The following RSF1 variants were observed in gnomAD, a reference collection of about 807,000 sequenced individuals.
The protein encoded by RSF1 is remodeling and spacing factor 1, also known as HBV pX-associated protein 8.
In RSF1, 13 loss-of-function variants were observed where a neutral mutation model predicts 145.2. That is an observed-to-expected ratio of 0.09 (90% CI 0.06 to 0.14). The LOEUF (loss-of-function observed/expected upper bound fraction) is 0.14. Ranked by LOEUF, RSF1 falls within the 10% of genes least tolerant of loss-of-function variation. The probability of loss-of-function intolerance (pLI) is 1.00; values close to 1 mark genes in which losing one functional copy is unlikely to be tolerated. For synonymous variants in RSF1, 577 were observed against 592.6 expected (o/e 0.97, Z 0.38); for missense variants, 1,517 against 1,718.2 (o/e 0.88, Z 2.07).
chr11:77,860,603 T>C, the RSF1 span, among the ~76,000 whole-genome samples: 2 of 152,102 alleles, frequency 1.3e-5, no homozygotes, highest in Non-Finnish European at 2.9e-5. Context: ...AGGACAAGAG[T>C]GTCCAGGTGT....
the RSF1 span, among the ~76,000 whole-genome samples, chr11:77,864,070 G>A: frequency 1.3e-5 from 2 of 151,702 alleles, no homozygotes; most frequent in African/African-American, 4.8e-5. Flanking sequence ...GGGATTACAG[G>A]TGCCTGCTAC....
intron 10 of RSF1, 52 bp downstream of exon 10, chr11:77,685,053 A>G: frequency 1.0e-6 from 1 of 995,140 alleles, no homozygotes; most frequent in Non-Finnish European, 1.5e-6. Flanking sequence ...GTAAAATTTT[A>G]GAGCAATTAT....
chr11:77,702,001 T>C lies in RSF1; in HGVS notation c.1228A>G (p.Thr410Ala). ...ATTTCATCTTTCAAAAACTCTTTTGTTGGAGTAACTGATTTACACAAAGGT... is the reference window on the plus strand; with the variant it reads ...ATTTCATCTTTCAAAAACTCTTTTGCTGGAGTAACTGATTTACACAAAGGT... The part of the protein sequence containing the change: ...KGPLCKSVTP[T>A]KEFLKDEIKQ... The change falls in exon 6 of 16, where the codon ACA (threonine) becomes GCA (alanine). Residue 410 changes from threonine to alanine, a missense_variant. This residue lies in a region of RSF1 where 579 missense variants were observed against 553.5 expected (regional missense o/e 1.05). Transcript: ENST00000308488. 1 of 1,614,062 alleles carries C rather than the reference T, an allele frequency of 6.2e-7. No individual in the cohort carries two copies. The highest frequency in any genetic ancestry group is 8.5e-7 in the Non-Finnish European group (1 of 1,179,992).
chr11:77,673,095 C>T (rs564581745), intron 14 of RSF1, among the ~76,000 whole-genome samples: 7 of 152,308 alleles, frequency 4.6e-5, no homozygotes, highest in East Asian at 3.9e-4. Flanking sequence ...ACCACAAATC[C>T]GCCTCCTGAT....
At chr11:77,844,709 C>A in the RSF1 span, among the ~76,000 whole-genome samples, 1 of 152,040 alleles carries the variant, frequency 6.6e-6, no homozygotes. Context: ...GCTCTTAGGA[C>A]CATTTCCAGA....
the RSF1 span, among the ~76,000 whole-genome samples, chr11:77,851,754 C>T: frequency 7.9e-5 from 12 of 152,054 alleles, no homozygotes; most frequent in African/African-American, 2.9e-4. Context: ...TAAAAGCTCC[C>T]TAAGGCCTCC....
At chr11:77,784,429 T>C (rs1948434593) in intron 1 of RSF1, among the ~76,000 whole-genome samples, 1 of 152,148 alleles carries the variant, frequency 6.6e-6, no homozygotes, top group Non-Finnish European at 1.5e-5. Context: ...TATTTTACTG[T>C]CCTTGTCTGC....
intron 1 of RSF1, among the ~76,000 whole-genome samples, chr11:77,810,633 T>C (rs1301755162): frequency 6.6e-6 from 1 of 152,156 alleles, no homozygotes; most frequent in East Asian, 1.9e-4. Context: ...TAATCATGGC[T>C]CACTGTAATC....
At chr11:77,764,390 A>C in intron 2 of RSF1, 1 of 494,048 alleles carries the variant, frequency 2.0e-6, no homozygotes, top group Non-Finnish European at 3.5e-6. Flanking sequence ...GAGATATAAC[A>C]CTTCTGAAAT....
At chr11:77,694,086 G>A (rs1285372616) in intron 7 of RSF1, among the ~76,000 whole-genome samples, 1 of 151,882 alleles carries the variant, frequency 6.6e-6, no homozygotes, top group African/African-American at 2.4e-5. Context: ...CCCAGCCCAT[G>A]CTAATTTTTA....
At position 77,747,403 on chromosome 11, in the gene RSF1, G is replaced by A. The variant is rs546747734; in HGVS notation, c.280-275C>T. Among the ~76,000 whole-genome samples, 11 of 152,234 alleles carry A rather than the reference G, an allele frequency of 7.2e-5. No individual in the cohort carries two copies. In the South Asian group the frequency reaches 1.0e-3, roughly 14 times the overall value. On this transcript the variant is annotated intron_variant, in intron 2 of 15. Coordinates refer to ENST00000308488, the MANE Select transcript of RSF1 (RefSeq NM_016578.4). ...ACATACTTTATAGACACATTTTCCC[G>A]CATGAGAGTAATTGTTTGATTCCAT...
rs1448549698 is a variant in RSF1, at chr11:77,700,785, T to G, written c.2444A>C (p.Gln815Pro). Residue 815 changes from glutamine to proline, a missense_variant, in exon 6 of 16, where the codon CAA becomes CCA. This residue lies in a region of RSF1 where 579 missense variants were observed against 553.5 expected (regional missense o/e 1.05). Coordinates refer to ENST00000308488, the MANE Select transcript of RSF1 (RefSeq NM_016578.4). The stretch of plus-strand genomic sequence containing the variant: ...CAAAATTTCCTTTTTGTCAGTTTTT[T>G]GCAAAGCTGTTGACTCTTCTTCCAC... ...DEVEEESTAL[Q>P]KTDKKEILKK... The G allele has an allele frequency of 6.3e-7, 1 of 1,597,406 alleles. No individual in the cohort carries two copies. The highest frequency in any genetic ancestry group is 2.2e-5 in the East Asian group (1 of 44,820).
At chr11:77,694,095 TA>T (rs1238921658) in intron 7 of RSF1, among the ~76,000 whole-genome samples, 1 of 152,132 alleles carries the variant, frequency 6.6e-6, no homozygotes, top group Non-Finnish European at 1.5e-5. Flanking sequence ...TGCTAATTTT[TA>T]AAAAAACCTA....
At chr11:77,820,953 C>T (rs1486515017), upstream of RSF1, 1 of 552,618 alleles carries the variant, frequency 1.8e-6, no homozygotes, top group Non-Finnish European at 3.2e-6. Flanking sequence ...CGCCCTCTTT[C>T]CGCCCCCTTC....
intron 13 of RSF1, among the ~76,000 whole-genome samples, chr11:77,675,668 T>A (rs1959682128): frequency 6.6e-6 from 1 of 152,132 alleles, no homozygotes; most frequent in Admixed American, 6.6e-5. Flanking sequence ...TCCAATAAAT[T>A]AATAATTTCT....
At chr11:77,786,075 T>C (rs1948454141) in intron 1 of RSF1, among the ~76,000 whole-genome samples, 1 of 151,862 alleles carries the variant, frequency 6.6e-6, no homozygotes, top group African/African-American at 2.4e-5. Flanking sequence ...TAAAACTTTA[T>C]AGGAGGATAT....
At chr11:77,792,626 C>T (rs982737608) in intron 1 of RSF1, among the ~76,000 whole-genome samples, 26 of 151,842 alleles carry the variant, frequency 1.7e-4, no homozygotes, top group Admixed American at 5.9e-4. Context: ...GTACCCCTGA[C>T]GTTGTTTAGA....
At chr11:77,815,305 C>T (rs1217905195) in intron 1 of RSF1, among the ~76,000 whole-genome samples, 2 of 152,094 alleles carry the variant, frequency 1.3e-5, no homozygotes, top group African/African-American at 2.4e-5. Flanking sequence ...ATTATAATTG[C>T]CCATATAATT....
At position 77,665,533 on chromosome 11, in the gene RSF1, G is replaced by T. The variant is rs1359821160; in HGVS notation, c.*1384C>A. On this transcript the variant is annotated 3_prime_UTR_variant, in exon 16 of 16. Transcript: ENST00000308488. Reference sequence around the variant, plus strand: ...TATTTTAGTGTCAATTACATGTTAGGTATTTAGTTAGTTACAAACCCTTTT... The same window carrying T: ...TATTTTAGTGTCAATTACATGTTAGTTATTTAGTTAGTTACAAACCCTTTT... 1 of 152,150 alleles carries T rather than the reference G, an allele frequency of 6.6e-6. No individual in the cohort carries two copies. Among genetic ancestry groups the T allele is most frequent in the Non-Finnish European group, 1.5e-5 (1 of 68,038 alleles). The allele number at this position is 152,150 out of a possible 1,614,324, so 9.4% of individuals were successfully genotyped here.
Sources: allele counts gnomAD v4.1 joint callset (sites outside exome capture counted in the v4.1 genomes callset), GRCh38; gene constraint gnomAD v4.1.1; regional missense constraint gnomAD v4.1.1; transcripts MANE v1.5; gene names NCBI Gene and HGNC (gene_info 2026-07-23, HGNC 2026-07-21).